Variants in ATP10A observed in about 807,000 individuals in gnomAD.
ATP10A encodes the protein ATPase phospholipid transporting 10A (putative), also known as phospholipid-transporting ATPase VA.
In ATP10A, 111 loss-of-function variants were observed where a neutral mutation model predicts 147.8. That is an observed-to-expected ratio of 0.75 (90% CI 0.64 to 0.88). ATP10A has a LOEUF of 0.88. Ranked by LOEUF, ATP10A falls within the 40% of genes least tolerant of loss-of-function variation. The pLI, the probability that ATP10A is intolerant of heterozygous loss-of-function variation, is 0.00. For missense variants in ATP10A, 1,927 were observed against 1,959.0 expected (o/e 0.98, Z 0.31); for synonymous variants, 875 against 841.6 (o/e 1.04, Z -0.69).
At chr15:25,739,004 T>C (rs1377714675) in intron 2 of ATP10A, among the ~76,000 whole-genome samples, 1 of 152,310 alleles carries the variant, frequency 6.6e-6, no homozygotes, top group Non-Finnish European at 1.5e-5. Flanking sequence ...CAGAAAAAGA[T>C]TGTACAAGTA....
intron 1 of ATP10A, among the ~76,000 whole-genome samples, chr15:25,851,537 A>G (rs74381744): frequency 0.05 from 7,654 of 152,288 alleles, 293 homozygotes; most frequent in Non-Finnish European, 0.078. Context: ...TGCCATTTAA[A>G]CAAAGAATGC....
chr15:25,799,170 T>C (rs1387910502), intron 1 of ATP10A, among the ~76,000 whole-genome samples: 1 of 152,174 alleles, frequency 6.6e-6, no homozygotes, highest in African/African-American at 2.4e-5. Context: ...CAAAAAACAA[T>C]GATCCTTCGG....
chr15:25,771,764 T>C (rs1415953234), intron 2 of ATP10A, among the ~76,000 whole-genome samples: 1 of 151,992 alleles, frequency 6.6e-6, no homozygotes, highest in Non-Finnish European at 1.5e-5. Context: ...TTTTTTTTTT[T>C]TTTGAGACAG....
chr15:25,777,805 T>A (rs1373500989), intron 2 of ATP10A, among the ~76,000 whole-genome samples: 1 of 124,166 alleles, frequency 8.1e-6, no homozygotes, highest in Non-Finnish European at 1.7e-5. Flanking sequence ...TGAGATGGGG[T>A]TTCTCTGTGT....
At chr15:25,799,745 T>C (rs1265059900) in intron 1 of ATP10A, among the ~76,000 whole-genome samples, 1 of 151,954 alleles carries the variant, frequency 6.6e-6, no homozygotes, top group South Asian at 2.1e-4. Context: ...AATAAATAAA[T>C]AGAAGTAAAA....
At chr15:25,726,517 C>G (rs1902564383) in intron 4 of ATP10A, among the ~76,000 whole-genome samples, 1 of 151,560 alleles carries the variant, frequency 6.6e-6, no homozygotes, top group Non-Finnish European at 1.5e-5. Flanking sequence ...ACTCGGCTCA[C>G]TGCAACCTCC....
intron 5 of ATP10A, among the ~76,000 whole-genome samples, chr15:25,725,100 G>T (rs746058158): frequency 1.2e-4 from 19 of 152,094 alleles, no homozygotes; most frequent in Non-Finnish European, 2.4e-4. Flanking sequence ...CCTGAGCCCC[G>T]TCTCCCGTCA....
downstream of ATP10A, among the ~76,000 whole-genome samples, chr15:25,675,652 A>C (rs1291867189): frequency 6.6e-6 from 1 of 152,138 alleles, no homozygotes; most frequent in Non-Finnish European, 1.5e-5. Context: ...CATTTCATTA[A>C]AGAAAAACAA....
chr15:25,795,423 C>T (rs1037748089), intron 1 of ATP10A, among the ~76,000 whole-genome samples: 1 of 152,206 alleles, frequency 6.6e-6, no homozygotes, highest in African/African-American at 2.4e-5. Context: ...AGCCTCTTCC[C>T]TACACTCTGC....
intron 1 of ATP10A, among the ~76,000 whole-genome samples, chr15:25,820,569 G>T (rs1428101530): frequency 1.3e-5 from 2 of 152,148 alleles, no homozygotes; most frequent in Non-Finnish European, 2.9e-5. Context: ...AATTTCAGAG[G>T]TGGGTTTTCA....
rs73361174 is a variant in ATP10A, at chr15:25,695,022, G to T, written c.2885C>A (p.Thr962Lys). ...MRFSSLCPPS[T>K]STASGRRPSL... is the part of the protein sequence containing the mutation. ...GGGTCTGCGGCCAGAGGCAGTGGACGTGGAGGGTGGGCAGAGAGAGGAGAA... is the reference window on the plus strand; with the variant it reads ...GGGTCTGCGGCCAGAGGCAGTGGACTTGGAGGGTGGGCAGAGAGAGGAGAA... The change falls in exon 14 of 21, where the codon ACG (threonine) becomes AAG (lysine). Residue 962 changes from threonine (T) to lysine (K), a missense_variant. Thr to Lys is a moderately conservative substitution (Grantham distance 78). Transcript: ENST00000555815. 1.2e-6 allele frequency: 2 copies of T among 1,614,188 alleles called. No homozygotes were observed. Among genetic ancestry groups the T allele is most frequent in the South Asian group, 1.1e-5 (1 of 91,082 alleles).
chr15:25,789,848 A>G (rs1478672593), intron 1 of ATP10A, among the ~76,000 whole-genome samples: 1 of 152,120 alleles, frequency 6.6e-6, no homozygotes, highest in Non-Finnish European at 1.5e-5. Context: ...TATAGATGCC[A>G]GTAGGGCTCC....
At chr15:25,821,320 T>A (rs1891871158) in intron 1 of ATP10A, among the ~76,000 whole-genome samples, 1 of 151,632 alleles carries the variant, frequency 6.6e-6, no homozygotes, top group African/African-American at 2.4e-5. Flanking sequence ...GCCCGGGAGA[T>A]CGAGGCTGCA....
chr15:25,766,132 C>A (rs116987930), intron 2 of ATP10A, among the ~76,000 whole-genome samples: 1 of 152,156 alleles, frequency 6.6e-6, no homozygotes, highest in Non-Finnish European at 1.5e-5. Flanking sequence ...AGTGGAAACC[C>A]CTCATAAACC....
At chr15:25,823,294 A>G (rs899603053) in intron 1 of ATP10A, among the ~76,000 whole-genome samples, 3 of 152,214 alleles carry the variant, frequency 2.0e-5, no homozygotes, top group African/African-American at 7.2e-5. Context: ...TAGTACAGAC[A>G]ATTGTTCAAC....
intron 6 of ATP10A, among the ~76,000 whole-genome samples, chr15:25,723,413 A>C (rs1902367710): frequency 6.6e-6 from 1 of 152,074 alleles, no homozygotes; most frequent in African/African-American, 2.4e-5. Context: ...TAGTTTTCAC[A>C]ATGTCCCATG....
chr15:25,689,725 G>A (rs533778339), intron 15 of ATP10A, among the ~76,000 whole-genome samples: 170 of 152,268 alleles, frequency 1.1e-3, no homozygotes, highest in African/African-American at 3.7e-3. Context: ...CAGCAGCTAC[G>A]CCTGTTCAAA....
chr15:25,672,788 G>T (rs1031354767), downstream of ATP10A, among the ~76,000 whole-genome samples: 3 of 152,128 alleles, frequency 2.0e-5, no homozygotes, highest in South Asian at 6.2e-4. Flanking sequence ...TTATATGAAT[G>T]ATTACCAAAA....
At chr15:25,752,570 G>A (rs989768874) in intron 2 of ATP10A, among the ~76,000 whole-genome samples, 8 of 152,102 alleles carry the variant, frequency 5.3e-5, no homozygotes, top group African/African-American at 1.9e-4. Context: ...CTGTAGTCTT[G>A]TAGTACATTT....
Sources: allele counts gnomAD v4.1 joint callset (sites outside exome capture counted in the v4.1 genomes callset), GRCh38; gene constraint gnomAD v4.1.1; transcripts MANE v1.5; gene names NCBI Gene and HGNC (gene_info 2026-07-23, HGNC 2026-07-21).